DDIAS: variants seen among roughly 807,000 people sequenced by gnomAD.
DDIAS encodes DNA damage induced apoptosis suppressor, also known as DNA damage-induced apoptosis suppressor protein.
A neutral mutation model predicts 15.7 loss-of-function variants in DDIAS; 14 were observed. That is an observed-to-expected ratio of 0.89 (90% CI 0.59 to 1.39). DDIAS has a LOEUF of 1.39. Ranked by LOEUF, DDIAS falls within the 40% of genes most tolerant of loss-of-function variation. The pLI is 0.00. For missense variants in DDIAS, 1,035 were observed against 1,130.9 expected, an observed-to-expected ratio of 0.92 and a Z score of 1.22; for synonymous variants, 355 against 395.9, an observed-to-expected ratio of 0.90 and a Z score of 1.23.
chr11:82,923,653 G>C (rs1021924653), intron 3 of DDIAS, among the ~76,000 whole-genome samples: 2 of 152,216 alleles, frequency 1.3e-5, no homozygotes, highest in Non-Finnish European at 2.9e-5. Flanking sequence ...GATGGGATTA[G>C]AGTAGTAATA....
intron 2 of DDIAS, among the ~76,000 whole-genome samples, chr11:82,914,413 G>C (rs1455323239): frequency 6.6e-6 from 1 of 152,178 alleles, no homozygotes; most frequent in African/African-American, 2.4e-5. Context: ...CACAAGTTGT[G>C]TATCTTCTTG....
Position 82,928,792 on chromosome 11 carries a change from A to G in DDIAS, c.129A>G (p.Lys43=), listed in dbSNP as rs561386530. The change falls in exon 4 of 6, where the codon AAA becomes AAG. Residue 43 remains lysine, a synonymous_variant. Coordinates refer to ENST00000533655, the MANE Select transcript of DDIAS (RefSeq NM_145018.4). ...ILVSKRSNCP[K]CGSTGESGNA... ...ACTTTTCTAGGTCTAATTGTCCAAAATGTGGCTCTACTGGTGAATCTGGAA... is the reference window on the plus strand; with the variant it reads ...ACTTTTCTAGGTCTAATTGTCCAAAGTGTGGCTCTACTGGTGAATCTGGAA... 1.7e-5 allele frequency: 28 copies of G among 1,613,472 alleles called. No homozygotes were observed. The South Asian group carries it at 2.1e-4, about 12-fold the overall frequency.
chr11:82,927,529 C>T (rs1193610311), intron 3 of DDIAS, among the ~76,000 whole-genome samples: 1 of 152,098 alleles, frequency 6.6e-6, no homozygotes, highest in East Asian at 1.9e-4. Context: ...TTTCTGTTTG[C>T]CTTTTGCCAC....
intron 3 of DDIAS, among the ~76,000 whole-genome samples, chr11:82,928,260 G>A (rs1010370738): frequency 5.6e-5 from 7 of 126,016 alleles, no homozygotes; most frequent in East Asian, 2.5e-4. Context: ...GTGCAGTGGT[G>A]CGATCTTGGC....
intron 1 of DDIAS, among the ~76,000 whole-genome samples, chr11:82,908,725 T>G (rs1179263713): frequency 6.6e-6 from 1 of 152,228 alleles, no homozygotes; most frequent in African/African-American, 2.4e-5. Flanking sequence ...TTCCCACATG[T>G]GCCAGTTTCA....
At chr11:82,910,507 A>G (rs12277804) in intron 1 of DDIAS, among the ~76,000 whole-genome samples, 82,220 of 151,112 alleles carry the variant, frequency 0.54, 23,150 homozygotes, top group African/African-American at 0.7. Context: ...TTGACCTCAG[A>G]TGATGTGCCT....
At chr11:82,911,232 T>G (rs929535852) in intron 1 of DDIAS, among the ~76,000 whole-genome samples, 2 of 152,214 alleles carry the variant, frequency 1.3e-5, no homozygotes, top group African/African-American at 4.8e-5. Context: ...TTTGCTGCAT[T>G]GATTATTCCT....
At chr11:82,930,806 T>C (rs764021429) in intron 5 of DDIAS, among the ~76,000 whole-genome samples, 7 of 152,120 alleles carry the variant, frequency 4.6e-5, no homozygotes, top group Non-Finnish European at 1.0e-4. Context: ...GTCTCATCTA[T>C]GCTAAAGGGA....
intron 1 of DDIAS, among the ~76,000 whole-genome samples, chr11:82,908,159 C>T (rs926795715): frequency 6.6e-6 from 1 of 152,110 alleles, no homozygotes; most frequent in Non-Finnish European, 1.5e-5. Flanking sequence ...TATTCCAAGA[C>T]CTAAGGGAAG....
chr11:82,921,005 G>A (rs1860735815), intron 3 of DDIAS, among the ~76,000 whole-genome samples: 1 of 152,082 alleles, frequency 6.6e-6, no homozygotes, highest in South Asian at 2.1e-4. Context: ...TTGTGTTGCT[G>A]TCTATCTCAT....
At chr11:82,914,129 T>A (rs1205394381) in intron 2 of DDIAS, 3 of 295,014 alleles carry the variant, frequency 1.0e-5, no homozygotes, top group African/African-American at 2.3e-5. Context: ...GAGATGGGGT[T>A]TCACCATGTT....
chr11:82,923,454 A>G (rs1245218457), intron 3 of DDIAS, among the ~76,000 whole-genome samples: 1 of 152,256 alleles, frequency 6.6e-6, no homozygotes, highest in Non-Finnish European at 1.5e-5. Context: ...GATGCTGAAG[A>G]ACAGAGAGAC....
chr11:82,929,007 A>G, intron 4 of DDIAS, 69 bp downstream of exon 4: 1 of 1,504,052 alleles, frequency 6.6e-7, no homozygotes, highest in Non-Finnish European at 9.0e-7. Flanking sequence ...TTATAAGGCA[A>G]TATGCATTTT....
chr11:82,934,497 G>A lies in DDIAS; in HGVS notation c.*162G>A, dbSNP rs1861078931. The A allele has an allele frequency of 1.5e-6, 1 of 649,476 alleles. No homozygotes were observed. The highest frequency in any genetic ancestry group is 3.6e-5 in the Admixed American group (1 of 27,654). The allele number at this position is 649,476 out of a possible 1,614,324, so 40.2% of individuals were successfully genotyped here. A position where few individuals can be genotyped will look rare whatever the true frequency, so the allele number is the denominator to read the frequency against. On this transcript the variant is annotated 3_prime_UTR_variant, in exon 6 of 6. Coordinates refer to ENST00000533655, the MANE Select transcript of DDIAS (RefSeq NM_145018.4). ...GTGCCTTTTAAAATATAAAGCCATT[G>A]TTTTCCCCAGGGTTTTATCTAGAAT...
intron 3 of DDIAS, among the ~76,000 whole-genome samples, chr11:82,920,437 G>C (rs917449249): frequency 1.5e-4 from 23 of 152,042 alleles, no homozygotes; most frequent in African/African-American, 4.6e-4. Context: ...GTTTGTTCTT[G>C]TTTCTCTAGT....
intron 1 of DDIAS, among the ~76,000 whole-genome samples, chr11:82,911,218 G>C (rs2121322297): frequency 6.6e-6 from 1 of 152,250 alleles, no homozygotes; most frequent in African/African-American, 2.4e-5. Context: ...AGACAACATT[G>C]AAGTTTGCTG....
Position 82,930,164 on chromosome 11 carries a change from C to G in DDIAS, c.283C>G (p.Gln95Glu). 3 of 1,564,506 alleles carry G rather than the reference C, an allele frequency of 1.9e-6. No homozygotes were observed. Among genetic ancestry groups the G allele is most frequent in the Non-Finnish European group, 2.6e-6 (3 of 1,145,804 alleles). Residue 95 changes from glutamine to glutamate, a missense_variant, in exon 5 of 6, where the codon CAG becomes GAG. Gln to Glu is a conservative substitution (Grantham distance 29). Transcript: ENST00000533655. ...ACTTTTTTTCCAATCAAGGTACATT[C>G]AGGATCCTAATAAAATTCCAGAAAC... ...LTATGLHRYI[Q>E]DPNKIPETLD...
rs767269393 is a variant in DDIAS at position 82,928,856 on chromosome 11, G to C, written c.193G>C (p.Glu65Gln). Residue 65 changes from glutamate to glutamine, a missense_variant, in exon 4 of 6, where the codon GAA becomes CAA. Coordinates refer to ENST00000533655, the MANE Select transcript of DDIAS (RefSeq NM_145018.4). Reference protein sequence around the residue: ...YRYKLSLKVAESNKLFVITVF... With the variant: ...YRYKLSLKVAQSNKLFVITVF... ...ATACAAACTTTCCTTAAAAGTTGCA[G>C]AATCAAACAAATTGTTTGTTATTAC... The C allele has an allele frequency of 6.2e-7, 1 of 1,612,094 alleles. No individual in the cohort carries two copies. The highest frequency in any genetic ancestry group is 8.5e-7 in the Non-Finnish European group (1 of 1,179,536).
chr11:82,920,900 C>G (rs1860732916), intron 3 of DDIAS, among the ~76,000 whole-genome samples: 2 of 152,270 alleles, frequency 1.3e-5, no homozygotes, highest in African/African-American at 4.8e-5. Context: ...TCATTTGTTC[C>G]AAGGCATAGT....
Sources: gnomAD v4.1 joint callset for allele counts (sites outside exome capture counted in the v4.1 genomes callset) on GRCh38, gnomAD v4.1.1 for gene constraint, MANE v1.5 for transcripts, NCBI Gene and HGNC (gene_info 2026-07-23, HGNC 2026-07-21) for gene names.